ZMAT1: variants seen among roughly 807,000 people sequenced by gnomAD.
The protein encoded by ZMAT1 is zinc finger matrin-type protein 1.
A neutral mutation model predicts 18.5 loss-of-function variants in ZMAT1; 11 were observed. The observed-to-expected ratio is 0.59, with a 90% CI of 0.37 to 0.98. The LOEUF is 0.98. ZMAT1 is among the 50% of genes least tolerant of loss of function. The pLI, the probability that ZMAT1 is intolerant of heterozygous loss-of-function variation, is 0.01. For missense variants in ZMAT1, 525 were observed against 496.2 expected, an observed-to-expected ratio of 1.06 and a Z score of -0.55; for synonymous variants, 211 against 176.4, an observed-to-expected ratio of 1.20 and a Z score of -1.55.
intron 1 of ZMAT1, among the ~76,000 whole-genome samples, chrX:101,921,643 T>G (rs1929734509): frequency 8.9e-6 from 1 of 112,152 alleles, no homozygotes; most frequent in Admixed American, 9.5e-5. Context: ...GATTTCTGTT[T>G]CTACCTGACT....
rs149645518 is a variant in ZMAT1, at chrX:101,916,876, A to C, written c.293-12546T>G. Among the ~76,000 whole-genome samples, 679 of 111,986 alleles carry C rather than the reference A, an allele frequency of 6.1e-3. 25 individuals are homozygous for C. The highest frequency in any genetic ancestry group is 0.053 in the East Asian group (187 of 3,553). ...CAATGGAACAGAATAGAGAACCCAG[A>C]AACAAATCCACACACCTACAGTGAC... On this transcript the variant is annotated intron_variant, in intron 1 of 5. Transcript: ENST00000651725.
intron 4 of ZMAT1, 121 bp downstream of exon 4, chrX:101,897,744 GAAT>G: frequency 1.8e-6 from 1 of 545,738 alleles, no homozygotes; most frequent in Non-Finnish European, 2.9e-6. Context: ...CTGGGAAGAA[GAAT>G]AATAATCAAG....
intron 1 of ZMAT1, among the ~76,000 whole-genome samples, chrX:101,917,810 A>G (rs1929435995): frequency 8.9e-6 from 1 of 112,827 alleles, no homozygotes; most frequent in South Asian, 3.6e-4. Context: ...AGATGAATGG[A>G]TAAAGAAAAT....
intron 5 of ZMAT1, 119 bp from the exon 6 acceptor site, chrX:101,884,940 T>G: frequency 2.3e-6 from 1 of 443,754 alleles, no homozygotes; most frequent in Non-Finnish European, 3.6e-6. Context: ...CAAACAGATT[T>G]TAAAAACCTA....
chrX:101,929,708 T>C (rs779110740), intron 1 of ZMAT1, among the ~76,000 whole-genome samples: 1 of 110,619 alleles, frequency 9.0e-6, no homozygotes, highest in African/African-American at 3.3e-5. Context: ...TAACTCAACA[T>C]AGATCTCATT....
intron 1 of ZMAT1, among the ~76,000 whole-genome samples, chrX:101,913,283 G>C (rs773962110): frequency 4.5e-5 from 5 of 110,935 alleles, no homozygotes; most frequent in Non-Finnish European, 9.4e-5. Flanking sequence ...AGGAAGAGAA[G>C]ACCACAAAAC....
At chrX:101,895,033 T>C (rs1949452419) in intron 4 of ZMAT1, 1 of 211,631 alleles carries the variant, frequency 4.7e-6, no homozygotes, top group South Asian at 2.3e-4. Context: ...TCATCCTTTC[T>C]TCTTCCCACT....
In ZMAT1 at chrX:101,929,424, TA is replaced by T. The variant is rs1443480050; in HGVS notation, c.292+2292del. On this transcript the variant is annotated intron_variant, in intron 1 of 5. Transcript: ENST00000651725. ...ATATATTCTATATATAGAGAGAGATTATATATATATATATATATATATATAT... is the reference window on the plus strand; with the variant it reads ...ATATATTCTATATATAGAGAGAGATTTATATATATATATATATATATATAT... 0.023 allele frequency among the ~76,000 whole-genome samples: 134 copies of T among 5,805 alleles called. 2 individuals carry two copies. In the East Asian group the frequency reaches 0.25, roughly 11 times the overall value. The allele number at this position is 5,805 out of a possible 115,157, so 5.0% of individuals were successfully genotyped here.
At chrX:101,927,632 T>C (rs771019698) in intron 1 of ZMAT1, among the ~76,000 whole-genome samples, 1 of 112,317 alleles carries the variant, frequency 8.9e-6, no homozygotes, top group South Asian at 3.7e-4. Flanking sequence ...AAGCACTTTG[T>C]AGCTAGCCAG....
chrX:101,894,382 A>G, intron 4 of ZMAT1: 1 of 728,545 alleles, frequency 1.4e-6, no homozygotes. Context: ...TTCAGGAGGT[A>G]GAAGAGTCAC....
intron 2 of ZMAT1, among the ~76,000 whole-genome samples, chrX:101,901,764 A>C (rs1191862665): frequency 2.7e-5 from 3 of 111,801 alleles, no homozygotes; most frequent in Non-Finnish European, 5.7e-5. Context: ...AAAAAGTGGA[A>C]TCATTTGATA....
At chrX:101,900,043 C>T (rs1025282859) in intron 2 of ZMAT1, among the ~76,000 whole-genome samples, 3 of 111,886 alleles carry the variant, frequency 2.7e-5, no homozygotes, top group Non-Finnish European at 5.6e-5. Context: ...ATTTGCATTT[C>T]CTTGATCATT....
chrX:101,894,920 T>A, intron 4 of ZMAT1: 7 of 744,749 alleles, frequency 9.4e-6, no homozygotes, highest in Non-Finnish European at 1.1e-5. Flanking sequence ...GGGGGAAAAA[T>A]GAAAAAAAAA....
Position 101,897,852 on chromosome X carries a change from G to C in ZMAT1, c.676+16C>G, listed in dbSNP as rs372762382. 31 of 1,199,369 alleles carry C rather than the reference G, an allele frequency of 2.6e-5. No individual in the cohort carries two copies. The highest frequency in any genetic ancestry group is 3.5e-5 in the Non-Finnish European group (31 of 887,972). On this transcript the variant is annotated intron_variant, in intron 4 of 5. Transcript: ENST00000651725. ...TAGATCCTGCATTGAAGATCAAGAGGTGAATGGAACCTTACCCATCTCTGG... is the reference window on the plus strand; with the variant it reads ...TAGATCCTGCATTGAAGATCAAGAGCTGAATGGAACCTTACCCATCTCTGG...
intron 1 of ZMAT1, among the ~76,000 whole-genome samples, chrX:101,919,641 T>A (rs1015750470): frequency 7.2e-5 from 8 of 111,672 alleles, no homozygotes; most frequent in Non-Finnish European, 1.5e-4. Flanking sequence ...GAAGGTACAG[T>A]GTGCTCCTGC....
intron 1 of ZMAT1, among the ~76,000 whole-genome samples, chrX:101,919,122 C>T (rs868690322): frequency 9.9e-5 from 11 of 111,530 alleles, no homozygotes; most frequent in African/African-American, 3.3e-4. Context: ...TAGCTTATAA[C>T]ATTTTTCAAC....
chrX:101,900,124 T>C (rs999605162), intron 2 of ZMAT1, among the ~76,000 whole-genome samples: 5 of 112,037 alleles, frequency 4.5e-5, no homozygotes, highest in Non-Finnish European at 9.4e-5. Context: ...CATCTATTCA[T>C]GTCCTTAGCC....
intron 1 of ZMAT1, among the ~76,000 whole-genome samples, chrX:101,913,031 TG>T (rs1432969391): frequency 4.5e-5 from 5 of 111,172 alleles, no homozygotes; most frequent in Non-Finnish European, 9.4e-5. Context: ...AAAAAAAAAG[TG>T]GGGGGATGAA....
intron 4 of ZMAT1, chrX:101,894,382 AG>A (rs771771232): frequency 2.1e-5 from 15 of 726,294 alleles, no homozygotes; most frequent in Non-Finnish European, 2.3e-5. Context: ...TTCAGGAGGT[AG>A]AAGAGTCACA....
Sources: allele counts gnomAD v4.1 joint callset (sites outside exome capture counted in the v4.1 genomes callset), GRCh38; gene constraint gnomAD v4.1.1; transcripts MANE v1.5; gene names NCBI Gene and HGNC (gene_info 2026-07-23, HGNC 2026-07-21).